PTPRM: variants seen among roughly 807,000 people sequenced by gnomAD.
The protein encoded by PTPRM is protein tyrosine phosphatase receptor type M, also known as receptor-type tyrosine-protein phosphatase mu.
In PTPRM, 47 loss-of-function variants were observed where a neutral mutation model predicts 186.7. The observed-to-expected ratio is 0.25, with a 90% CI of 0.20 to 0.32. The LOEUF (loss-of-function observed/expected upper bound fraction) is 0.32. Ranked by LOEUF, PTPRM falls within the 10% of genes least tolerant of loss-of-function variation. The probability of loss-of-function intolerance (pLI) is 1.00; values close to 1 mark genes in which losing one functional copy is unlikely to be tolerated. For synonymous variants in PTPRM, 668 were observed against 674.9 expected (o/e 0.99, Z 0.16); for missense variants, 1,494 against 1,865.0 (o/e 0.80, Z 3.66).
At chr18:8,143,599 TTC>T (rs779228068) in intron 13 of PTPRM, 46 bp from the exon 14 acceptor site, 4 of 1,538,506 alleles carry the variant, frequency 2.6e-6, no homozygotes, top group Non-Finnish European at 3.6e-6. Flanking sequence ...GGCATCTTTA[TTC>T]TCTCTTACCT....
chr18:8,306,044 C>T (rs766783702), intron 20 of PTPRM, among the ~76,000 whole-genome samples: 5 of 151,970 alleles, frequency 3.3e-5, no homozygotes, highest in South Asian at 2.1e-4. Context: ...ATTACAGGCG[C>T]GCATCACCAC....
chr18:8,291,853 C>CA (rs59979399), intron 19 of PTPRM, among the ~76,000 whole-genome samples: 12,208 of 107,582 alleles, frequency 0.11, 546 homozygotes, highest in Middle Eastern at 0.22. Flanking sequence ...CATGGTCTTC[C>CA]AAAAAAAAAA....
At chr18:7,573,715 G>T (rs2036617728) in intron 1 of PTPRM, among the ~76,000 whole-genome samples, 1 of 151,816 alleles carries the variant, frequency 6.6e-6, no homozygotes, top group Non-Finnish European at 1.5e-5. Context: ...TCAGCCTCCC[G>T]AGTGGCTGGA....
chr18:8,106,122 A>G (rs2091505557), intron 11 of PTPRM, among the ~76,000 whole-genome samples: 1 of 152,126 alleles, frequency 6.6e-6, no homozygotes, highest in Non-Finnish European at 1.5e-5. Flanking sequence ...CAGGACAGGA[A>G]TTGAATGAGG....
intron 1 of PTPRM, among the ~76,000 whole-genome samples, chr18:7,569,163 G>A (rs1008568243): frequency 5.6e-4 from 86 of 152,240 alleles, no homozygotes; most frequent in African/African-American, 1.9e-3. Context: ...TTGGTCCTCC[G>A]GTGCGTGGAA....
intron 4 of PTPRM, among the ~76,000 whole-genome samples, chr18:7,911,482 T>A (rs1302693690): frequency 6.6e-6 from 1 of 152,252 alleles, no homozygotes; most frequent in Non-Finnish European, 1.5e-5. Context: ...TAATGACTAA[T>A]GATGTTGAGC....
At chr18:7,837,471 T>C (rs1321111301) in intron 2 of PTPRM, among the ~76,000 whole-genome samples, 2 of 152,208 alleles carry the variant, frequency 1.3e-5, no homozygotes, top group Admixed American at 6.5e-5. Flanking sequence ...CATTTTTTTT[T>C]TGAGTCAGAG....
At chr18:7,689,107 G>C (rs2039675914) in intron 1 of PTPRM, among the ~76,000 whole-genome samples, 1 of 151,898 alleles carries the variant, frequency 6.6e-6, no homozygotes, top group Non-Finnish European at 1.5e-5. Flanking sequence ...AAAGAGGATA[G>C]GTATGTAGGT....
chr18:8,125,971 G>GTA (rs1263824300), intron 13 of PTPRM, among the ~76,000 whole-genome samples: 1 of 92,510 alleles, frequency 1.1e-5, no homozygotes, highest in Non-Finnish European at 2.1e-5. Flanking sequence ...ATATGTGTGT[G>GTA]TATACATATA....
At chr18:8,392,329 TA>T (rs2095818000) in intron 31 of PTPRM, among the ~76,000 whole-genome samples, 1 of 151,998 alleles carries the variant, frequency 6.6e-6, no homozygotes, top group South Asian at 2.1e-4. Context: ...TGTTTAAAAA[TA>T]AAAAGGTCCC....
intron 7 of PTPRM, among the ~76,000 whole-genome samples, chr18:7,981,721 G>A (rs1320097660): frequency 1.3e-5 from 2 of 152,154 alleles, no homozygotes; most frequent in African/African-American, 4.8e-5. Context: ...ATCATAGAGT[G>A]TACTTACCCA....
chr18:8,037,250 C>G (rs1447347099), intron 7 of PTPRM, among the ~76,000 whole-genome samples: 1 of 152,142 alleles, frequency 6.6e-6, no homozygotes, highest in Admixed American at 6.6e-5. Context: ...TCATTAGTTA[C>G]AATTAGCACA....
intron 7 of PTPRM, among the ~76,000 whole-genome samples, chr18:8,031,032 T>C (rs934925088): frequency 2.0e-5 from 3 of 152,176 alleles, no homozygotes; most frequent in Non-Finnish European, 4.4e-5. Context: ...TTGTTTGTAT[T>C]TTACTCCCTC....
intron 7 of PTPRM, among the ~76,000 whole-genome samples, chr18:7,959,991 A>T (rs537963457): frequency 2.0e-5 from 3 of 152,344 alleles, no homozygotes; most frequent in South Asian, 2.1e-4. Context: ...ATATTCTCAA[A>T]TTATGTGCAG....
chr18:8,066,317 C>G (rs145375540), intron 7 of PTPRM, among the ~76,000 whole-genome samples: 10 of 152,160 alleles, frequency 6.6e-5, no homozygotes, highest in African/African-American at 2.4e-4. Context: ...TAGCACATGG[C>G]ATTTCCTTTA....
At chr18:8,360,038 G>A (rs1441606057) in intron 23 of PTPRM, among the ~76,000 whole-genome samples, 2 of 152,152 alleles carry the variant, frequency 1.3e-5, no homozygotes, top group African/African-American at 4.8e-5. Flanking sequence ...AAATACATGA[G>A]TAACCACTGG....
At chr18:8,216,705 ATAT>A (rs2094091161) in intron 14 of PTPRM, among the ~76,000 whole-genome samples, 1 of 152,216 alleles carries the variant, frequency 6.6e-6, no homozygotes, top group Non-Finnish European at 1.5e-5. Flanking sequence ...ATATGGTAAC[ATAT>A]TATTTCCATG....
chr18:8,378,865 C>A (rs560125041), intron 27 of PTPRM, among the ~76,000 whole-genome samples: 27 of 152,308 alleles, frequency 1.8e-4, no homozygotes, highest in African/African-American at 6.3e-4. Flanking sequence ...ACTCTTCCCC[C>A]ACCTCTGACC....
intron 11 of PTPRM, among the ~76,000 whole-genome samples, chr18:8,098,572 A>G (rs566848041): frequency 3.9e-5 from 6 of 152,326 alleles, no homozygotes; most frequent in Admixed American, 6.5e-5. Context: ...ATGCAGAGCT[A>G]TAAAAGAACA....
Sources: gnomAD v4.1 joint callset for allele counts (sites outside exome capture counted in the v4.1 genomes callset) on GRCh38, gnomAD v4.1.1 for gene constraint, MANE v1.5 for transcripts, NCBI Gene and HGNC (gene_info 2026-07-23, HGNC 2026-07-21) for gene names.